Variants in VIPR1 observed in about 807,000 individuals in gnomAD.
The protein encoded by VIPR1 is vasoactive intestinal peptide receptor 1.
VIPR1 carries 59 observed loss-of-function variants against 58.8 expected under a neutral mutation model. That is an observed-to-expected ratio of 1.00 (90% CI 0.81 to 1.25). The LOEUF (loss-of-function observed/expected upper bound fraction) is 1.25. VIPR1 is among the 50% of genes most tolerant of loss of function. The probability of loss-of-function intolerance (pLI) is 0.00; values close to 1 mark genes in which losing one functional copy is unlikely to be tolerated. For missense variants in VIPR1, 626 were observed against 602.7 expected (o/e 1.04, Z -0.40); for synonymous variants, 251 against 242.1 (o/e 1.04, Z -0.34).
chr3:42,514,215 C>T (rs1198917750), intron 2 of VIPR1, among the ~76,000 whole-genome samples: 1 of 151,992 alleles, frequency 6.6e-6, no homozygotes, highest in Non-Finnish European at 1.5e-5. Context: ...GGATCTGTGA[C>T]CAATGAGGGC....
intron 4 of VIPR1, among the ~76,000 whole-genome samples, chr3:42,526,901 A>G (rs945426472): frequency 5.3e-5 from 8 of 152,024 alleles, no homozygotes; most frequent in South Asian, 4.1e-4. Flanking sequence ...CCAACTCCCA[A>G]GGGCCCAAAA....
upstream of VIPR1, chr3:42,500,006 T>C (rs971884544): frequency 6.6e-6 from 1 of 152,284 alleles, no homozygotes; most frequent in Non-Finnish European, 1.5e-5. Context: ...TTCTTTCTGC[T>C]CTTTTCATTT....
At chr3:42,496,215 G>T (rs1269175311) in intron 1 of VIPR1, among the ~76,000 whole-genome samples, 1 of 151,966 alleles carries the variant, frequency 6.6e-6, no homozygotes, top group Non-Finnish European at 1.5e-5. Flanking sequence ...CCAGCCTGGG[G>T]CAAGACTCCG....
intron 1 of VIPR1, among the ~76,000 whole-genome samples, chr3:42,506,189 C>A (rs915528367): frequency 6.6e-6 from 1 of 152,216 alleles, no homozygotes; most frequent in South Asian, 2.1e-4. Flanking sequence ...AGGCTCCAGG[C>A]CTAGGTAGGC....
At chr3:42,528,728 G>GATTC (rs1414853701) in intron 6 of VIPR1, 2 of 152,600 alleles carry the variant, frequency 1.3e-5, no homozygotes, top group African/African-American at 4.8e-5. Context: ...ATCTCCAAGG[G>GATTC]ATTCTTAGGG....
At position 42,527,439 on chromosome 3, in the gene VIPR1, G is replaced by T. The variant is rs745468089; in HGVS notation, c.446G>T (p.Gly149Val). 1 of 1,613,956 alleles carries T rather than the reference G, an allele frequency of 6.2e-7. No homozygotes were observed. Among genetic ancestry groups the T allele is most frequent in the Non-Finnish European group, 8.5e-7 (1 of 1,179,950 alleles). Residue 149 changes from glycine to valine, a missense_variant, in exon 5 of 13, where the codon GGC becomes GTC. Physicochemically the swap from Gly to Val is moderately radical, Grantham distance 109. Transcript: ENST00000325123. Reference sequence around the variant, plus strand: ...TCTGTGAAGACCGGCTACACCATTGGCTACGGCCTGTCCCTCGCCACCCTT... The same window carrying T: ...TCTGTGAAGACCGGCTACACCATTGTCTACGGCCTGTCCCTCGCCACCCTT... Reference protein sequence around the residue: ...YGSVKTGYTIGYGLSLATLLV... With the variant: ...YGSVKTGYTIVYGLSLATLLV...
At chr3:42,530,978 G>T in intron 7 of VIPR1, 46 bp downstream of exon 7, 1 of 1,606,720 alleles carries the variant, frequency 6.2e-7, no homozygotes, top group Non-Finnish European at 8.5e-7. Context: ...GAGGGGGCAA[G>T]GCCTGGAGAA....
rs1553635200 is a variant in VIPR1 at position 42,502,712 on chromosome 3, C to A, written c.-24C>A. The A allele has an allele frequency of 2.3e-6, 3 of 1,286,866 alleles. No individual in the cohort carries two copies. Among genetic ancestry groups the A allele is most frequent in the Non-Finnish European group, 2.9e-6 (3 of 1,021,930 alleles). The allele number at this position is 1,286,866 out of a possible 1,614,324, so 79.7% of individuals were successfully genotyped here. ...CCAGCTCTTTGCCCGCGCGGGGCCG[C>A]CCGCCGCGGGCTCAGGGCAGACCAT... is the stretch of plus-strand genomic sequence containing the variant. On this transcript the variant is annotated 5_prime_UTR_variant, in exon 1 of 13. Transcript: ENST00000325123.
upstream of VIPR1, among the ~76,000 whole-genome samples, chr3:42,501,262 A>T (rs570938875): frequency 6.6e-6 from 1 of 151,710 alleles, no homozygotes; most frequent in African/African-American, 2.4e-5. This position sits in a 1 kb window ranked among gnomAD's most constrained non-coding sequence, Gnocchi z 4.8. Flanking sequence ...AGCCCACCCC[A>T]TGGCAGCATC....
Position 42,519,230 on chromosome 3 carries a change from C to T in VIPR1, c.192C>T (p.Ser64=). The T allele has an allele frequency of 6.2e-7, 1 of 1,607,778 alleles. No individual in the cohort carries two copies. The highest frequency in any genetic ancestry group is 8.5e-7 in the Non-Finnish European group (1 of 1,177,202). The change falls in exon 3 of 13, where the codon AGC becomes AGT. Residue 64 remains serine, a synonymous_variant. Transcript: ENST00000325123. ...AQLENETIGC[S]KMWDNLTCWP... is the part of the protein sequence containing the mutation. ...TCTGCCTTACCCCCATAGGCTGCAGCAAGATGTGGGACAACCTCACCTGCT... is the reference window on the plus strand; with the variant it reads ...TCTGCCTTACCCCCATAGGCTGCAGTAAGATGTGGGACAACCTCACCTGCT...
chr3:42,531,351 A>G (rs1701538209), intron 7 of VIPR1, 120 bp from the exon 8 acceptor site: 2 of 1,071,052 alleles, frequency 1.9e-6, no homozygotes, highest in African/African-American at 3.1e-5. Context: ...CAGCAGACTG[A>G]CAACCCACCC....
At chr3:42,527,297 G>A in intron 4 of VIPR1, 96 bp from the exon 5 acceptor site, 1 of 1,168,264 alleles carries the variant, frequency 8.6e-7, no homozygotes, top group Non-Finnish European at 1.2e-6. Context: ...GCAGGGTTGG[G>A]CAGGCAGAGT....
chr3:42,515,540 C>T (rs867880817), intron 2 of VIPR1, among the ~76,000 whole-genome samples: 26 of 152,366 alleles, frequency 1.7e-4, no homozygotes, highest in African/African-American at 5.1e-4. Context: ...AGGCCACCCT[C>T]GTGATTCCAA....
chr3:42,522,113 T>G (rs1280636060), intron 3 of VIPR1, among the ~76,000 whole-genome samples: 1 of 65,570 alleles, frequency 1.5e-5, no homozygotes, highest in African/African-American at 7.0e-5. Flanking sequence ...TTTTTTTTTT[T>G]TTTTTTTTTT....
intron 2 of VIPR1, among the ~76,000 whole-genome samples, chr3:42,515,893 T>C (rs530593339): frequency 4.6e-5 from 7 of 152,350 alleles, no homozygotes; most frequent in African/African-American, 1.7e-4. Context: ...TGTATGTCTA[T>C]CAGTGTGAAT....
chr3:42,493,382 C>T (rs948431514), intron 1 of VIPR1, among the ~76,000 whole-genome samples: 12 of 152,146 alleles, frequency 7.9e-5, no homozygotes, highest in South Asian at 2.1e-4. Context: ...CTCCCACGGC[C>T]GAGCATGGGG....
chr3:42,528,092 G>T lies in VIPR1; in HGVS notation c.605G>T (p.Ser202Ile), dbSNP rs912106335. 1.2e-6 allele frequency: 2 copies of T among 1,613,864 alleles called. No individual in the cohort carries two copies. The highest frequency in any genetic ancestry group is 1.7e-6 in the Non-Finnish European group (2 of 1,179,956). Residue 202 changes from serine (S) to isoleucine (I), a missense_variant, in exon 6 of 13, where the codon AGC becomes ATC. By Grantham distance (142) the Ser-to-Ile change is moderately radical. Transcript: ENST00000325123. ...ATCAAAGACTTGGCCCTCTTCGACA[G>T]CGGGGAGTCGGACCAGTGCTCCGAG... Reference protein sequence around the residue: ...VFIKDLALFDSGESDQCSEGS... With the variant: ...VFIKDLALFDIGESDQCSEGS...
Position 42,521,329 on chromosome 3 carries a change from G to A in VIPR1, c.292+1999G>A, listed in dbSNP as rs528944954. On this transcript the variant is annotated intron_variant, in intron 3 of 12. Transcript: ENST00000325123. The stretch of plus-strand genomic sequence containing the variant: ...ATATGCCTACCGGCCAGGTGCCCTT[G>A]TAGAGTGAACAACTTGCACAGCCAT... The A allele has an allele frequency of 5.3e-5, 8 of 152,314 alleles. No individual in the cohort carries two copies. The East Asian group carries it at 5.8e-4, about 11-fold the overall frequency. The allele number at this position is 152,314 out of a possible 1,614,324, so 9.4% of individuals were successfully genotyped here. A position where few individuals can be genotyped will look rare whatever the true frequency, so the allele number is the denominator to read the frequency against.
Position 42,536,118 on chromosome 3 carries a change from G to T in VIPR1, c.1211G>T (p.Arg404Leu). 6.2e-7 allele frequency: 1 copy of T among 1,603,544 alleles called. No individual in the cohort carries two copies. Among genetic ancestry groups the T allele is most frequent in the East Asian group, 2.3e-5 (1 of 44,288 alleles). ...CAGGCGGAGCTGAGGCGGAAGTGGC[G>T]GCGCTGGCACCTGCAGGGCGTCCTG... is the stretch of plus-strand genomic sequence containing the variant. ...EVQAELRRKW[R>L]RWHLQGVLGW... The change falls in exon 13 of 13, where the codon CGG (arginine) becomes CTG (leucine). Residue 404 changes from arginine to leucine, a missense_variant. Physicochemically the swap from Arg to Leu is moderately radical, Grantham distance 102 (BLOSUM62 -2). Coordinates refer to ENST00000325123, the MANE Select transcript of VIPR1 (RefSeq NM_004624.4).
Sources: gnomAD v4.1 joint callset for allele counts (sites outside exome capture counted in the v4.1 genomes callset) on GRCh38, gnomAD v4.1.1 for gene constraint, Gnocchi (gnomAD v3.1) non-coding constraint, MANE v1.5 for transcripts, NCBI Gene and HGNC (gene_info 2026-07-23, HGNC 2026-07-21) for gene names.